The following HTT variants were observed in gnomAD, a reference collection of about 807,000 sequenced individuals.
The protein encoded by HTT is huntingtin, also known as huntington disease protein.
In HTT, 104 loss-of-function variants were observed where a neutral mutation model predicts 362.3. The observed-to-expected ratio is 0.29, with a 90% CI of 0.24 to 0.34. The LOEUF (loss-of-function observed/expected upper bound fraction) is 0.34, where lower values mean the gene tolerates loss of function less well. Ranked by LOEUF, HTT falls within the 10% of genes least tolerant of loss-of-function variation. The pLI is 1.00. For missense variants in HTT, 3,301 were observed against 3,928.6 expected (o/e 0.84, Z 4.27); for synonymous variants, 1,577 against 1,548.7 (o/e 1.02, Z -0.43).
chr4:3,109,283 A>G (rs775207439), intron 6 of HTT, among the ~76,000 whole-genome samples: 13 of 151,702 alleles, frequency 8.6e-5, no homozygotes, highest in East Asian at 3.9e-4. Flanking sequence ...CTGGAGTGCA[A>G]TGACGCAATC....
At position 3,243,948 on chromosome 4, in the gene HTT, A is replaced by G. The variant is rs984690307; in HGVS notation, c.*3889A>G. The G allele has an allele frequency of 1.3e-5, 2 of 152,268 alleles. No homozygotes were observed. The highest frequency in any genetic ancestry group is 1.3e-4 in the Admixed American group (2 of 15,292). 9.4% of individuals were successfully genotyped at this position (152,268 alleles called of 1,614,324 possible). ...TGTACATCCAAATTAAAGGAAAAAA[A>G]TGGAAACCATCAGTTGTTGCTGTGT... is the stretch of plus-strand genomic sequence containing the variant. On this transcript the variant is annotated 3_prime_UTR_variant, in exon 67 of 67. Transcript: ENST00000355072.
At chr4:3,153,860 G>A (rs1226215781) in intron 26 of HTT, among the ~76,000 whole-genome samples, 1 of 152,026 alleles carries the variant, frequency 6.6e-6, no homozygotes, top group Non-Finnish European at 1.5e-5. Context: ...GGAGGTTGAG[G>A]CTACAATGAA....
chr4:3,200,755 A>G (rs1719493661), intron 41 of HTT, among the ~76,000 whole-genome samples: 1 of 152,230 alleles, frequency 6.6e-6, no homozygotes, highest in Admixed American at 6.5e-5. Context: ...TCTGTGCCGT[A>G]TGTAGTGGGG....
chr4:3,087,483 G>A (rs765795005), intron 2 of HTT, among the ~76,000 whole-genome samples: 60 of 152,292 alleles, frequency 3.9e-4, no homozygotes, highest in Admixed American at 7.8e-4. Context: ...TGGGGATCGT[G>A]GGGCATTGAC....
At chr4:3,229,075 CCACACACACACACCG>C (rs999111647) in intron 59 of HTT, 66 bp downstream of exon 59, 8 of 1,472,816 alleles carry the variant, frequency 5.4e-6, no homozygotes, top group South Asian at 1.2e-5. Flanking sequence ...GCCACACACC[CCACACACACACACCG>C]CCCACACACA....
Position 3,081,550 on chromosome 4 carries a change from C to CTTTTTTTT in HTT, c.264-5371_264-5364dup, listed in dbSNP as rs770325842. ...ATAGGACCACATTTGGAAAGCATTT[C>CTTTTTTTT]TTTTTTTTTTTTTTTTTTTTTTTTT... On this transcript the variant is annotated intron_variant, in intron 1 of 66. Transcript: ENST00000355072. Among the ~76,000 whole-genome samples the CTTTTTTTT allele has an allele frequency of 2.6e-4, 22 of 84,480 alleles. 1 individual carries two copies. Among genetic ancestry groups the CTTTTTTTT allele is most frequent in the Admixed American group, 3.1e-4 (2 of 6,510 alleles). The allele number at this position is 84,480 out of a possible 152,430, so 55.4% of individuals were successfully genotyped here.
intron 2 of HTT, among the ~76,000 whole-genome samples, chr4:3,095,177 G>T (rs1356898419): frequency 6.6e-6 from 1 of 152,240 alleles, no homozygotes; most frequent in African/African-American, 2.4e-5. Context: ...AAGGCAGGCG[G>T]CTGGGAGGTG....
rs200611726 is a variant in HTT, at chr4:3,206,996, G to A, written c.6075+13G>A. The A allele has an allele frequency of 1.8e-5, 29 of 1,597,274 alleles. 1 individual carries two copies. The Admixed American group carries it at 4.6e-4, about 25-fold the overall frequency. On this transcript the variant is annotated intron_variant, in intron 44 of 66. Transcript: ENST00000355072. The surrounding 1 kb of genome is among the most constrained non-coding windows in gnomAD (Gnocchi z 4.6). Reference sequence around the variant, plus strand: ...TGCAAATTTACAGGTATTGGGAAGAGAAACCCTGATATTGATTTATATTGA... The same window carrying A: ...TGCAAATTTACAGGTATTGGGAAGAAAAACCCTGATATTGATTTATATTGA...
chr4:3,184,150 A>C (rs1718650308), intron 37 of HTT, among the ~76,000 whole-genome samples: 1 of 151,976 alleles, frequency 6.6e-6, no homozygotes, highest in Non-Finnish European at 1.5e-5. Flanking sequence ...GATGAGAAGA[A>C]GCTTTGGTGA....
At chr4:3,215,329 T>C in intron 51 of HTT, 118 bp downstream of exon 51, 1 of 679,140 alleles carries the variant, frequency 1.5e-6, no homozygotes, top group East Asian at 2.7e-5. Context: ...AGCTCCGCTG[T>C]GTCCTGCTGC....
chr4:3,193,655 T>G (rs1389395386), intron 40 of HTT, among the ~76,000 whole-genome samples: 1 of 152,262 alleles, frequency 6.6e-6, no homozygotes, highest in African/African-American at 2.4e-5. Flanking sequence ...AGAGACAGGA[T>G]GTCTGCACTG....
At chr4:3,222,335 T>C in intron 53 of HTT, 52 bp from the exon 54 acceptor site, 1 of 1,516,846 alleles carries the variant, frequency 6.6e-7, no homozygotes, top group Non-Finnish European at 9.1e-7. Flanking sequence ...CAGCTCTCCG[T>C]TACAGGCTTG....
At chr4:3,204,529 A>AT (rs1000622836) in intron 42 of HTT, among the ~76,000 whole-genome samples, 57 of 152,330 alleles carry the variant, frequency 3.7e-4, no homozygotes, top group African/African-American at 1.3e-3. Flanking sequence ...CTGATTTTAA[A>AT]TTTTTTTAAA....
chr4:3,167,325 C>T (rs2110225827), intron 29 of HTT, among the ~76,000 whole-genome samples: 1 of 152,286 alleles, frequency 6.6e-6, no homozygotes, highest in African/African-American at 2.4e-5. Flanking sequence ...CCCACCTCAG[C>T]CTCCTAGAGT....
intron 27 of HTT, among the ~76,000 whole-genome samples, chr4:3,155,998 A>G (rs531935055): frequency 1.5e-4 from 23 of 152,240 alleles, no homozygotes; most frequent in African/African-American, 5.1e-4. Flanking sequence ...AACACTTAAA[A>G]TCTACTCTTT....
At chr4:3,099,175 T>G (rs1027194057) in intron 2 of HTT, 99 bp from the exon 3 acceptor site, 6 of 749,364 alleles carry the variant, frequency 8.0e-6, no homozygotes, top group African/African-American at 1.8e-5. Flanking sequence ...GTCCTTTTTC[T>G]GTTCCAGAAT....
intron 40 of HTT, among the ~76,000 whole-genome samples, chr4:3,194,663 G>A (rs1312970878): frequency 2.0e-5 from 3 of 152,198 alleles, no homozygotes; most frequent in Admixed American, 6.5e-5. Flanking sequence ...CGTGGGTGGT[G>A]GAGATGTGCC....
Position 3,189,144 on chromosome 4 carries a change from C to G in HTT, c.5368+51C>G, listed in dbSNP as rs1367154456. 6 of 1,576,480 alleles carry G rather than the reference C, an allele frequency of 3.8e-6. No individual in the cohort carries two copies. The South Asian group carries it at 4.6e-5, about 12-fold the overall frequency. On this transcript the variant is annotated intron_variant, in intron 40 of 66. Transcript: ENST00000355072. ...GGAGTGTCTCGTTCCCCATTCTGCACTATACACTCTCAGAGTGTAGGAGCT... is the reference window on the plus strand; with the variant it reads ...GGAGTGTCTCGTTCCCCATTCTGCAGTATACACTCTCAGAGTGTAGGAGCT...
intron 39 of HTT, chr4:3,188,185 C>T (rs563041998): frequency 7.3e-5 from 19 of 258,920 alleles, no homozygotes; most frequent in South Asian, 3.0e-4. Flanking sequence ...AGTAGGGGCA[C>T]GCTGACGTCA....
Sources: gnomAD v4.1 joint callset for allele counts (sites outside exome capture counted in the v4.1 genomes callset) on GRCh38, gnomAD v4.1.1 for gene constraint, Gnocchi (gnomAD v3.1) non-coding constraint, MANE v1.5 for transcripts, NCBI Gene and HGNC (gene_info 2026-07-23, HGNC 2026-07-21) for gene names.